The following COL5A1 variants were observed in gnomAD, a reference collection of about 807,000 sequenced individuals.
COL5A1 encodes the protein collagen alpha-1(V) chain.
Under a neutral mutation model 263.7 loss-of-function variants are expected in COL5A1, and 16 were observed. The ratio of observed to expected loss-of-function variants is 0.06; its 90% CI spans 0.04 to 0.09. COL5A1 has a LOEUF of 0.09. COL5A1 is among the 10% of genes least tolerant of loss of function. The pLI is 1.00. For missense variants in COL5A1, 2,036 were observed against 2,540.5 expected, an observed-to-expected ratio of 0.80 and a Z score of 4.27; for synonymous variants, 1,012 against 1,004.5, an observed-to-expected ratio of 1.01 and a Z score of -0.14.
At chr9:134,702,982 A>G (rs4381018) in intron 4 of COL5A1, among the ~76,000 whole-genome samples, 2 of 152,114 alleles carry the variant, frequency 1.3e-5, no homozygotes, top group Non-Finnish European at 2.9e-5. Flanking sequence ...GGATATTAAT[A>G]CAGTGTCAAG....
chr9:134,721,075 C>T (rs1276705862), intron 4 of COL5A1, among the ~76,000 whole-genome samples: 2 of 152,098 alleles, frequency 1.3e-5, no homozygotes, highest in African/African-American at 2.4e-5. Flanking sequence ...TGTGTGGCTG[C>T]GCGTGAGTCA....
chr9:134,774,771 G>A, intron 26 of COL5A1, 88 bp from the exon 27 acceptor site: 2 of 1,345,228 alleles, frequency 1.5e-6, no homozygotes, highest in Non-Finnish European at 2.1e-6. Context: ...TCAGCAGGAG[G>A]GGTATGCCGA....
chr9:134,800,749 CAAAAAAAAA>C lies in COL5A1; in HGVS notation c.2953-1189_2953-1181del, dbSNP rs397951217. Among the ~76,000 whole-genome samples the C allele has an allele frequency of 1.2e-4, 10 of 81,618 alleles. No individual in the cohort carries two copies. The South Asian group carries it at 2.4e-3, about 20-fold the overall frequency. 53.5% of individuals were successfully genotyped at this position (81,618 alleles called of 152,430 possible). A position where few individuals can be genotyped will look rare whatever the true frequency, so the allele number is the denominator to read the frequency against. ...AACAGGAGTGAAACTCTGTCTCAAA[CAAAAAAAAA>C]AAAAAAAAAAAAAAAGAAGCTAGTC... On this transcript the variant is annotated intron_variant, in intron 37 of 65. Transcript: ENST00000371817.
At chr9:134,745,903 C>T (rs146741375) in intron 11 of COL5A1, among the ~76,000 whole-genome samples, 120 of 152,232 alleles carry the variant, frequency 7.9e-4, no homozygotes, top group African/African-American at 2.1e-3. Flanking sequence ...TGTAGCTTGC[C>T]GGCGCATCTC....
In COL5A1 at chr9:134,738,789, T is replaced by G; in HGVS notation, c.1475T>G (p.Val492Gly). The G allele has an allele frequency of 2.5e-6, 4 of 1,613,750 alleles. No individual in the cohort carries two copies. Among genetic ancestry groups the G allele is most frequent in the Non-Finnish European group, 2.5e-6 (3 of 1,179,726 alleles). ...GGAACCATGGGTCCCACTGGCCAAG[T>G]CGGGGACCCTGGAGAAAGGGTAAGA... ...PPGTMGPTGQVGDPGERGPPG... is the reference protein window; with the variant it reads ...PPGTMGPTGQGGDPGERGPPG... Residue 492 changes from valine to glycine, a missense_variant, in exon 11 of 66, where the codon GTC (valine) becomes GGC (glycine). By Grantham distance (109) the Val-to-Gly change is moderately radical. Coordinates refer to ENST00000371817, the MANE Select transcript of COL5A1 (RefSeq NM_000093.5).
chr9:134,648,295 T>A (rs1831543030), intron 1 of COL5A1, among the ~76,000 whole-genome samples: 1 of 131,894 alleles, frequency 7.6e-6, no homozygotes, highest in Non-Finnish European at 1.6e-5. Flanking sequence ...CTCCTATATA[T>A]ATATATATAA....
chr9:134,659,164 C>T (rs538824048), intron 1 of COL5A1, among the ~76,000 whole-genome samples: 7 of 149,268 alleles, frequency 4.7e-5, no homozygotes, highest in African/African-American at 7.3e-5. Context: ...GAGGCTGAAG[C>T]GGGTGGATCA....
At chr9:134,668,863 G>A (rs1234307435) in intron 1 of COL5A1, among the ~76,000 whole-genome samples, 1 of 150,780 alleles carries the variant, frequency 6.6e-6, no homozygotes, top group Non-Finnish European at 1.5e-5. Flanking sequence ...TTCCATCTAT[G>A]TATCCATTCA....
At chr9:134,697,748 A>G (rs954100941) in intron 2 of COL5A1, among the ~76,000 whole-genome samples, 3 of 152,080 alleles carry the variant, frequency 2.0e-5, no homozygotes, top group Non-Finnish European at 4.4e-5. Context: ...CTCCCTTGCC[A>G]TAGGTGGGAC....
Position 134,781,657 on chromosome 9 carries a change from G to T in COL5A1, c.2431-1010G>T, listed in dbSNP as rs150152870. ...CTCCCGCACTGTTCCCGAGGGCCAC[G>T]CAGGCAGCCCGACATGGTCTGGGGA... On this transcript the variant is annotated intron_variant, in intron 28 of 65. Coordinates refer to ENST00000371817, the MANE Select transcript of COL5A1 (RefSeq NM_000093.5). 6.2e-3 allele frequency among the ~76,000 whole-genome samples: 941 copies of T among 152,344 alleles called. 10 individuals are homozygous for T. Among genetic ancestry groups the T allele is most frequent in the African/African-American group, 0.021 (873 of 41,572 alleles).
intron 18 of COL5A1, among the ~76,000 whole-genome samples, chr9:134,759,268 T>TACACA (rs1836121073): frequency 2.4e-5 from 3 of 122,670 alleles, no homozygotes; most frequent in African/African-American, 6.8e-5. Flanking sequence ...GCGCACACAC[T>TACACA]CATACACACA....
At position 134,818,589 on chromosome 9, in the gene COL5A1, T is replaced by C. The variant is rs939838157; in HGVS notation, c.4231-67T>C. Reference sequence around the variant, plus strand: ...AGAGGTGCCCAGGGTTTCCGAGCAGTGGTCCTGGGCCAGGGTGCCTGGAGC... The same window carrying C: ...AGAGGTGCCCAGGGTTTCCGAGCAGCGGTCCTGGGCCAGGGTGCCTGGAGC... On this transcript the variant is annotated intron_variant, in intron 54 of 65. Transcript: ENST00000371817. The surrounding 1 kb of genome is among the most constrained non-coding windows in gnomAD (Gnocchi z 6.0). The C allele has an allele frequency of 8.3e-7, 1 of 1,208,242 alleles. No homozygotes were observed. The highest frequency in any genetic ancestry group is 2.5e-5 in the East Asian group (1 of 39,924). 74.8% of individuals were successfully genotyped at this position (1,208,242 alleles called of 1,614,324 possible).
At chr9:134,802,498 C>T (rs1373108708) in intron 38 of COL5A1, among the ~76,000 whole-genome samples, 4 of 152,348 alleles carry the variant, frequency 2.6e-5, no homozygotes, top group South Asian at 2.1e-4. Context: ...GTGAGTAAGA[C>T]GTAGACCTGC....
chr9:134,796,262 G>A lies in COL5A1; in HGVS notation c.2800-112G>A, dbSNP rs923858456. 7 of 1,171,914 alleles carry A rather than the reference G, an allele frequency of 6.0e-6. No homozygotes were observed. The African/African-American group carries it at 6.0e-5, about 10-fold the overall frequency. The allele number at this position is 1,171,914 out of a possible 1,614,324, so 72.6% of individuals were successfully genotyped here. A position where few individuals can be genotyped will look rare whatever the true frequency, so the allele number is the denominator to read the frequency against. On this transcript the variant is annotated intron_variant, in intron 34 of 65. Coordinates refer to ENST00000371817, the MANE Select transcript of COL5A1 (RefSeq NM_000093.5). ...ACTGAGGGTCAGGGCCACCTTCAGG[G>A]GTGCACACAGGCAATATTTGACTCA...
At chr9:134,718,809 G>C (rs1402589647) in intron 4 of COL5A1, among the ~76,000 whole-genome samples, 1 of 152,196 alleles carries the variant, frequency 6.6e-6, no homozygotes, top group Non-Finnish European at 1.5e-5. Flanking sequence ...CTGCCTCTCA[G>C]ACCCTCCATT....
rs1835304892 is a variant in COL5A1, at chr9:134,741,579, C to T, written c.1494+2771C>T. 6.6e-6 allele frequency among the ~76,000 whole-genome samples: 1 copy of T among 151,770 alleles called. No individual in the cohort carries two copies. Among genetic ancestry groups the T allele is most frequent in the East Asian group, 1.9e-4 (1 of 5,142 alleles). On this transcript the variant is annotated intron_variant, in intron 11 of 65. Transcript: ENST00000371817. The surrounding 1 kb of genome is among the most constrained non-coding windows in gnomAD (Gnocchi z 4.5). ...TCCCTCTCAGGTGATAAGGGGCGCTCTCCAAATCCTGGTACAGAAGCAGAG... is the reference window on the plus strand; with the variant it reads ...TCCCTCTCAGGTGATAAGGGGCGCTTTCCAAATCCTGGTACAGAAGCAGAG...
intron 62 of COL5A1, among the ~76,000 whole-genome samples, chr9:134,825,085 C>A: frequency 6.6e-6 from 1 of 152,226 alleles, no homozygotes; most frequent in East Asian, 1.9e-4. Context: ...GTCAGACTCT[C>A]CAGGTTCTCA....
Position 134,647,150 on chromosome 9 carries a change from G to A in COL5A1, c.109+4854G>A, listed in dbSNP as rs1266219923. Among the ~76,000 whole-genome samples, 1 of 152,186 alleles carries A rather than the reference G, an allele frequency of 6.6e-6. No individual in the cohort carries two copies. The highest frequency in any genetic ancestry group is 1.9e-4 in the East Asian group (1 of 5,180). Reference sequence around the variant, plus strand: ...TCCCAGAAGCACAGGCGAGGGAGGTGTGCCTGTGTGGGGCCTGGCCCTGCT... The same window carrying A: ...TCCCAGAAGCACAGGCGAGGGAGGTATGCCTGTGTGGGGCCTGGCCCTGCT... On this transcript the variant is annotated intron_variant, in intron 1 of 65. Coordinates refer to ENST00000371817, the MANE Select transcript of COL5A1 (RefSeq NM_000093.5). This position sits in a 1 kb window ranked among gnomAD's most constrained non-coding sequence, Gnocchi z 5.0.
Position 134,647,203 on chromosome 9 carries a change from G to T in COL5A1, c.109+4907G>T, listed in dbSNP as rs571802095. Reference sequence around the variant, plus strand: ...GACCCCTGGGGCTCTGCTGTTGCCCGCTTAGCCGGTCTCTGCTGCCCCTTT... The same window carrying T: ...GACCCCTGGGGCTCTGCTGTTGCCCTCTTAGCCGGTCTCTGCTGCCCCTTT... On this transcript the variant is annotated intron_variant, in intron 1 of 65. Transcript: ENST00000371817. The surrounding 1 kb of genome is among the most constrained non-coding windows in gnomAD (Gnocchi z 5.0). Among the ~76,000 whole-genome samples, 12 of 152,304 alleles carry T rather than the reference G, an allele frequency of 7.9e-5. No individual in the cohort carries two copies. In the South Asian group the frequency reaches 2.5e-3, roughly 32 times the overall value.
Sources: gnomAD v4.1 joint callset for allele counts (sites outside exome capture counted in the v4.1 genomes callset) on GRCh38, gnomAD v4.1.1 for gene constraint, Gnocchi (gnomAD v3.1) non-coding constraint, MANE v1.5 for transcripts, NCBI Gene and HGNC (gene_info 2026-07-23, HGNC 2026-07-21) for gene names.